PLXDC2: variants seen among roughly 807,000 people sequenced by gnomAD.
PLXDC2 encodes plexin domain-containing protein 2.
PLXDC2 carries 40 observed loss-of-function variants against 68.9 expected under a neutral mutation model. The ratio of observed to expected loss-of-function variants is 0.58; its 90% CI spans 0.45 to 0.76. The LOEUF (loss-of-function observed/expected upper bound fraction) is 0.76, where lower values mean the gene tolerates loss of function less well. Among genes scored for constraint, PLXDC2 ranks in the 30% least tolerant of loss-of-function variants. The pLI, the probability that PLXDC2 is intolerant of heterozygous loss-of-function variation, is 0.00. For missense variants in PLXDC2, 644 were observed against 661.9 expected, an observed-to-expected ratio of 0.97 and a Z score of 0.30; for synonymous variants, 243 against 234.2, an observed-to-expected ratio of 1.04 and a Z score of -0.34.
chr10:20,016,296 A>C (rs185749410), intron 2 of PLXDC2, among the ~76,000 whole-genome samples: 7 of 152,334 alleles, frequency 4.6e-5, no homozygotes, highest in Non-Finnish European at 7.4e-5. Context: ...AAAAGGATAG[A>C]GAGACTACTT....
At chr10:19,907,971 AAAT>A (rs1172790640) in intron 1 of PLXDC2, among the ~76,000 whole-genome samples, 1 of 152,218 alleles carries the variant, frequency 6.6e-6, no homozygotes, top group South Asian at 2.1e-4. Context: ...TCATGCTTCA[AAAT>A]CTTTCATTAT....
intron 1 of PLXDC2, among the ~76,000 whole-genome samples, chr10:19,849,203 A>T (rs541011125): frequency 6.6e-6 from 1 of 152,342 alleles, no homozygotes; most frequent in Admixed American, 6.5e-5. Flanking sequence ...GAAATAAAAA[A>T]TAAATAACAA....
intron 4 of PLXDC2, among the ~76,000 whole-genome samples, chr10:20,087,678 A>G (rs1833218342): frequency 6.6e-6 from 1 of 152,254 alleles, no homozygotes; most frequent in Non-Finnish European, 1.5e-5. Context: ...ACTTGCTAGC[A>G]ATGAAAAAGC....
intron 2 of PLXDC2, among the ~76,000 whole-genome samples, chr10:20,037,547 A>G (rs1457254191): frequency 6.6e-6 from 1 of 152,142 alleles, no homozygotes; most frequent in Non-Finnish European, 1.5e-5. Context: ...TCATTCTTGA[A>G]AAGGTTCAAG....
rs1835739569 is a variant in PLXDC2, at chr10:20,044,193, CT to C, written c.325-2675del. On this transcript the variant is annotated intron_variant, in intron 2 of 13. Transcript: ENST00000377252. The stretch of plus-strand genomic sequence containing the variant: ...TCTTTCTTTCCTTCTTTCTTTCTTT[CT>C]CTCTCTCTCTCTCTCTGTCTTTCTT... Among the ~76,000 whole-genome samples, 3 of 85,832 alleles carry C rather than the reference CT, an allele frequency of 3.5e-5. No homozygotes were observed. The South Asian group carries it at 1.3e-3, about 36-fold the overall frequency. 56.3% of individuals were successfully genotyped at this position (85,832 alleles called of 152,430 possible). A position where few individuals can be genotyped will look rare whatever the true frequency, so the allele number is the denominator to read the frequency against.
intron 9 of PLXDC2, among the ~76,000 whole-genome samples, chr10:20,196,699 G>C (rs1444979392): frequency 6.6e-6 from 1 of 152,182 alleles, no homozygotes; most frequent in Non-Finnish European, 1.5e-5. Flanking sequence ...AAGTTTTGCA[G>C]TTGTTAAATG....
intron 12 of PLXDC2, among the ~76,000 whole-genome samples, chr10:20,237,988 T>G (rs1835456763): frequency 6.6e-6 from 1 of 152,094 alleles, no homozygotes; most frequent in Admixed American, 6.6e-5. Flanking sequence ...TACAGATCAT[T>G]TTGGCAATGC....
At chr10:19,867,102 G>C (rs922794455) in intron 1 of PLXDC2, among the ~76,000 whole-genome samples, 4 of 92,546 alleles carry the variant, frequency 4.3e-5, no homozygotes, top group Non-Finnish European at 8.2e-5. Context: ...TTTCCATCTT[G>C]TTGCCCAGGC....
chr10:19,887,905 A>G (rs535395517), intron 1 of PLXDC2, among the ~76,000 whole-genome samples: 36 of 152,366 alleles, frequency 2.4e-4, no homozygotes, highest in African/African-American at 7.9e-4. Flanking sequence ...TACAAATGAC[A>G]TTAATGCTGA....
At chr10:19,838,247 A>G (rs1009682151) in intron 1 of PLXDC2, among the ~76,000 whole-genome samples, 3 of 152,146 alleles carry the variant, frequency 2.0e-5, no homozygotes, top group African/African-American at 7.2e-5. Context: ...ACAGGTGTGA[A>G]CCACCATGCC....
Position 20,143,499 on chromosome 10 carries a change from CTG to C in PLXDC2, c.664+84_664+85del, listed in dbSNP as rs1834033752. 1.9e-6 allele frequency: 3 copies of C among 1,558,862 alleles called. No individual in the cohort carries two copies. In the African/African-American group the frequency reaches 4.1e-5, roughly 21 times the overall value. ...AGATTCATGTTAATGTTTTTGTAAA[CTG>C]TTTATTTTTTGGTGTGTAAACTGCT... On this transcript the variant is annotated intron_variant, in intron 5 of 13. Coordinates refer to ENST00000377252, the MANE Select transcript of PLXDC2 (RefSeq NM_032812.9).
At chr10:19,984,610 G>A (rs1834605051) in intron 1 of PLXDC2, among the ~76,000 whole-genome samples, 1 of 152,170 alleles carries the variant, frequency 6.6e-6, no homozygotes, top group Non-Finnish European at 1.5e-5. Flanking sequence ...TAGAGTTCAA[G>A]GCAAATAGTG....
At chr10:20,178,913 A>G (rs1230030733) in intron 9 of PLXDC2, among the ~76,000 whole-genome samples, 1 of 152,148 alleles carries the variant, frequency 6.6e-6, no homozygotes, top group Non-Finnish European at 1.5e-5. Context: ...TAAGTTAGTT[A>G]TATATCCAAA....
At chr10:20,103,316 T>C (rs1185821833) in intron 4 of PLXDC2, among the ~76,000 whole-genome samples, 1 of 152,226 alleles carries the variant, frequency 6.6e-6, no homozygotes, top group Non-Finnish European at 1.5e-5. Context: ...TACTGTTTTA[T>C]GGAAGATCAG....
chr10:20,049,059 G>A (rs1258270664), intron 3 of PLXDC2, among the ~76,000 whole-genome samples: 1 of 152,048 alleles, frequency 6.6e-6, no homozygotes, highest in Non-Finnish European at 1.5e-5. Flanking sequence ...CCCTGCCATT[G>A]TCATAGCTTG....
intron 1 of PLXDC2, among the ~76,000 whole-genome samples, chr10:19,873,406 CTTTTTT>C (rs1049862345): frequency 8.6e-6 from 1 of 115,660 alleles, no homozygotes; most frequent in African/African-American, 3.2e-5. Context: ...TCTTCTTCGT[CTTTTTT>C]TTTTTTTTTT....
chr10:19,865,025 C>T (rs1377060736), intron 1 of PLXDC2, among the ~76,000 whole-genome samples: 3 of 152,160 alleles, frequency 2.0e-5, no homozygotes, highest in Non-Finnish European at 4.4e-5. Context: ...AGGAAAAGGA[C>T]CACAGTTCAA....
chr10:20,147,963 C>A, intron 6 of PLXDC2, 61 bp downstream of exon 6: 4 of 1,182,590 alleles, frequency 3.4e-6, no homozygotes, highest in Non-Finnish European at 2.5e-6. Flanking sequence ...GCCTTTCCTC[C>A]AAATGTCAAG....
chr10:19,859,536 A>G (rs141723113), intron 1 of PLXDC2, among the ~76,000 whole-genome samples: 55 of 152,252 alleles, frequency 3.6e-4, no homozygotes, highest in Middle Eastern at 3.4e-3. Context: ...TTGAAATTAC[A>G]TATTAATTTC....
Sources: allele counts gnomAD v4.1 joint callset (sites outside exome capture counted in the v4.1 genomes callset), GRCh38; gene constraint gnomAD v4.1.1; transcripts MANE v1.5; gene names NCBI Gene and HGNC (gene_info 2026-07-23, HGNC 2026-07-21).